NMS: variants seen among roughly 807,000 people sequenced by gnomAD.
NMS encodes neuromedin-S.
NMS carries 30 observed loss-of-function variants against 32.2 expected under a neutral mutation model. That is an observed-to-expected ratio of 0.93 (90% CI 0.70 to 1.26). The LOEUF is 1.26. NMS is among the 50% of genes most tolerant of loss of function. The pLI, the probability that NMS is intolerant of heterozygous loss-of-function variation, is 0.00. For synonymous variants in NMS, 76 were observed against 58.5 expected (o/e 1.30, Z -1.37); for missense variants, 190 against 186.3 (o/e 1.02, Z -0.12).
At position 100,483,274 on chromosome 2, in the gene NMS, G is replaced by A. The variant is rs762924440; in HGVS notation, c.*10G>A. ...TAGGATTCAGTGGTGAAAGAAAGCT[G>A]GATCTGATGAGGCCTTCCAGGGATT... On this transcript the variant is annotated 3_prime_UTR_variant, in exon 10 of 10. Transcript: ENST00000376865. The A allele has an allele frequency of 6.2e-7, 1 of 1,608,170 alleles. No individual in the cohort carries two copies. The highest frequency in any genetic ancestry group is 1.7e-5 in the Admixed American group (1 of 59,852).
At position 100,477,352 on chromosome 2, in the gene NMS, C is replaced by T; in HGVS notation, c.208-9C>T. The stretch of plus-strand genomic sequence containing the variant: ...CTCGATACTAATATCACTTTCTTTT[C>T]TTATTTAGTTTTTGTTTCACTACTC... On this transcript the variant is annotated splice_polypyrimidine_tract_variant and intron_variant, in intron 4 of 9. Coordinates refer to ENST00000376865, the MANE Select transcript of NMS (RefSeq NM_001011717.1). 1 of 1,613,098 alleles carries T rather than the reference C, an allele frequency of 6.2e-7. No homozygotes were observed. Among genetic ancestry groups the T allele is most frequent in the Non-Finnish European group, 8.5e-7 (1 of 1,179,184 alleles).
At chr2:100,476,038 A>G (rs1262022048) in intron 3 of NMS, among the ~76,000 whole-genome samples, 3 of 151,886 alleles carry the variant, frequency 2.0e-5, no homozygotes, top group Non-Finnish European at 4.4e-5. Flanking sequence ...AAAAAAGTAA[A>G]GTAAGGGGCA....
chr2:100,477,329 C>T (rs773097998), intron 4 of NMS, 32 bp from the exon 5 acceptor site: 21 of 1,606,110 alleles, frequency 1.3e-5, no homozygotes, highest in Non-Finnish European at 1.6e-5. Flanking sequence ...AAGTGACACT[C>T]GATACTAATA....
Position 100,482,426 on chromosome 2 carries a change from G to A in NMS, c.449+115G>A, listed in dbSNP as rs1416419102. On this transcript the variant is annotated intron_variant, in intron 9 of 9. Transcript: ENST00000376865. ...GGAGGACCATTGTTCAAGAAATGAGGACCCTTCATAACCCCCAGGAACTCT... is the reference window on the plus strand; with the variant it reads ...GGAGGACCATTGTTCAAGAAATGAGAACCCTTCATAACCCCCAGGAACTCT... 4.0e-6 allele frequency: 4 copies of A among 1,000,190 alleles called. No homozygotes were observed. The Admixed American group carries it at 7.3e-5, about 18-fold the overall frequency. 62.0% of individuals were successfully genotyped at this position (1,000,190 alleles called of 1,614,324 possible). A position where few individuals can be genotyped will look rare whatever the true frequency, so the allele number is the denominator to read the frequency against.
intron 5 of NMS, 147 bp downstream of exon 5, chr2:100,477,561 G>T (rs947393555): frequency 9.8e-6 from 6 of 611,068 alleles, no homozygotes; most frequent in Non-Finnish European, 1.4e-5. Context: ...TTTCCCTGGG[G>T]CTGCAGGGAT....
chr2:100,479,312 A>T, intron 5 of NMS, 41 bp from the exon 6 acceptor site: 2 of 1,482,076 alleles, frequency 1.3e-6, no homozygotes, highest in Non-Finnish European at 1.9e-6. Context: ...CCCTCTGTGG[A>T]TGTCCCCCTG....
chr2:100,479,133 T>G (rs1257913307), intron 5 of NMS, among the ~76,000 whole-genome samples: 1 of 152,200 alleles, frequency 6.6e-6, no homozygotes, highest in African/African-American at 2.4e-5. Flanking sequence ...AGGGAATATT[T>G]TTAAGGGCTG....
chr2:100,471,164 G>C (rs1677000937), intron 1 of NMS, among the ~76,000 whole-genome samples: 1 of 152,188 alleles, frequency 6.6e-6, no homozygotes, highest in South Asian at 2.1e-4. Context: ...TAGGGAACAG[G>C]GGTGGAGTGA....
rs896595365 is a variant in NMS at position 100,479,997 on chromosome 2, G to C, written c.337-499G>C. Among the ~76,000 whole-genome samples, 6 of 152,206 alleles carry C rather than the reference G, an allele frequency of 3.9e-5. No homozygotes were observed. In the East Asian group the frequency reaches 1.2e-3, roughly 29 times the overall value. ...TGACCAGCTATCCCAGTTTGTCCAGGACTTTCCTAGTTTTAGCTCTGAAAA... is the reference window on the plus strand; with the variant it reads ...TGACCAGCTATCCCAGTTTGTCCAGCACTTTCCTAGTTTTAGCTCTGAAAA... On this transcript the variant is annotated intron_variant, in intron 6 of 9. Transcript: ENST00000376865.
At chr2:100,472,691 G>A in intron 1 of NMS, 104 bp from the exon 2 acceptor site, 1 of 699,708 alleles carries the variant, frequency 1.4e-6, no homozygotes, top group South Asian at 1.9e-5. Context: ...GTTCTTTGGT[G>A]GTTTATTATT....
chr2:100,473,445 T>C, intron 2 of NMS, 44 bp from the exon 3 acceptor site: 2 of 1,179,754 alleles, frequency 1.7e-6, no homozygotes, highest in South Asian at 3.6e-5. Flanking sequence ...TCTCTCTTCA[T>C]CCCCCTCATC....
rs201473941 is a variant in NMS, at chr2:100,480,535, C to A, written c.372+4C>A. ...TGCAGTGGACTTCACCAAGAAGGTA[C>A]ACAAGAGCCTTGGAGACTGCGACCC... is the stretch of plus-strand genomic sequence containing the variant. On this transcript the variant is annotated splice_donor_region_variant and intron_variant, in intron 7 of 9. Transcript: ENST00000376865. 4.3e-6 allele frequency: 7 copies of A among 1,612,720 alleles called. No homozygotes were observed. In the Admixed American group the frequency reaches 1.0e-4, roughly 23 times the overall value.
intron 1 of NMS, among the ~76,000 whole-genome samples, 187 bp from the exon 2 acceptor site, chr2:100,472,608 A>G (rs927143746): frequency 6.6e-6 from 1 of 152,248 alleles, no homozygotes; most frequent in Non-Finnish European, 1.5e-5. Flanking sequence ...GGCAAGTAGA[A>G]GTGTATTTTC....
chr2:100,483,127 C>A, intron 9 of NMS, 125 bp from the exon 10 acceptor site: 1 of 794,842 alleles, frequency 1.3e-6, no homozygotes. Context: ...GCAACCTGGG[C>A]ATTTATGACA....
chr2:100,477,124 A>G, intron 3 of NMS, 120 bp from the exon 4 acceptor site: 1 of 784,018 alleles, frequency 1.3e-6, no homozygotes. Context: ...TAGATTGCCA[A>G]TTTATCATAA....
At position 100,479,578 on chromosome 2, in the gene NMS, C is replaced by T. The variant is rs1677177137; in HGVS notation, c.336+151C>T. ...GGGAGCACTGAGCAGAACTGCTGGT[C>T]CTTTGACCTCCCCGGGCCTCAGTTT... On this transcript the variant is annotated intron_variant, in intron 6 of 9. Coordinates refer to ENST00000376865, the MANE Select transcript of NMS (RefSeq NM_001011717.1). The T allele has an allele frequency of 7.5e-6, 5 of 664,904 alleles. No individual in the cohort carries two copies. The South Asian group carries it at 1.0e-4, about 14-fold the overall frequency. 41.2% of individuals were successfully genotyped at this position (664,904 alleles called of 1,614,324 possible).
intron 1 of NMS, among the ~76,000 whole-genome samples, chr2:100,472,395 G>T (rs1573233395): frequency 6.6e-6 from 1 of 152,192 alleles, no homozygotes; most frequent in South Asian, 2.1e-4. Flanking sequence ...AAAGTTCAAA[G>T]GTGATTCTGA....
intron 3 of NMS, among the ~76,000 whole-genome samples, chr2:100,476,840 A>C (rs1005456760): frequency 6.6e-6 from 1 of 152,218 alleles, no homozygotes; most frequent in Admixed American, 6.5e-5. Context: ...CTTTTGGAGA[A>C]AAAGAAGCTT....
chr2:100,482,968 G>A (rs572910651), intron 9 of NMS, among the ~76,000 whole-genome samples: 269 of 152,288 alleles, frequency 1.8e-3, no homozygotes, highest in African/African-American at 5.7e-3. Context: ...AGTCCAAGGC[G>A]TCTAAGAAAG....
Sources: allele counts gnomAD v4.1 joint callset (sites outside exome capture counted in the v4.1 genomes callset), GRCh38; gene constraint gnomAD v4.1.1; transcripts MANE v1.5; gene names NCBI Gene and HGNC (gene_info 2026-07-23, HGNC 2026-07-21).